ARHGAP6: variants seen among roughly 807,000 people sequenced by gnomAD.
ARHGAP6 encodes the protein rho GTPase-activating protein 6.
A neutral mutation model predicts 55.7 loss-of-function variants in ARHGAP6; 16 were observed. That is an observed-to-expected ratio of 0.29 (90% CI 0.19 to 0.44). ARHGAP6 has a LOEUF of 0.44. ARHGAP6 is among the 20% of genes least tolerant of loss of function. The pLI, the probability that ARHGAP6 is intolerant of heterozygous loss-of-function variation, is 1.00. For missense variants in ARHGAP6, 698 were observed against 808.9 expected, an observed-to-expected ratio of 0.86 and a Z score of 1.66; for synonymous variants, 382 against 360.9, an observed-to-expected ratio of 1.06 and a Z score of -0.66.
At chrX:11,336,965 A>G (rs1306657306) in intron 1 of ARHGAP6, among the ~76,000 whole-genome samples, 1 of 111,067 alleles carries the variant, frequency 9.0e-6, no homozygotes, top group African/African-American at 3.3e-5. Flanking sequence ...ACACCGGGTC[A>G]GTTTACTTCA....
At chrX:11,174,655 CTTTCT>C (rs759323559) in intron 8 of ARHGAP6, among the ~76,000 whole-genome samples, 19 of 73,849 alleles carry the variant, frequency 2.6e-4, no homozygotes, top group African/African-American at 1.0e-3. Flanking sequence ...TTCTTTCTTT[CTTTCT>C]TTCTTTCTTT....
At chrX:11,569,791 C>T (rs1054918524) in intron 1 of ARHGAP6, among the ~76,000 whole-genome samples, 1 of 111,925 alleles carries the variant, frequency 8.9e-6, no homozygotes, top group Admixed American at 9.5e-5. Context: ...TCTGCTTAAA[C>T]CACCCAAGGG....
At chrX:11,284,891 A>T (rs1368420420) in intron 1 of ARHGAP6, among the ~76,000 whole-genome samples, 1 of 111,615 alleles carries the variant, frequency 9.0e-6, no homozygotes, top group Non-Finnish European at 1.9e-5. Flanking sequence ...GACAACCAAA[A>T]ATGCTTCCAA....
intron 1 of ARHGAP6, among the ~76,000 whole-genome samples, chrX:11,489,273 G>T (rs1986472643): frequency 8.9e-6 from 1 of 111,932 alleles, no homozygotes; most frequent in Non-Finnish European, 1.9e-5. Flanking sequence ...AGCTGCTGAG[G>T]CCCAATTAGG....
intron 1 of ARHGAP6, among the ~76,000 whole-genome samples, chrX:11,644,753 T>C (rs759169558): frequency 9.0e-6 from 1 of 111,495 alleles, no homozygotes; most frequent in African/African-American, 3.2e-5. Context: ...GGAATGAAAA[T>C]GGTACAACCA....
At chrX:11,493,835 CTT>C (rs35315280) in intron 1 of ARHGAP6, among the ~76,000 whole-genome samples, 8 of 88,368 alleles carry the variant, frequency 9.1e-5, no homozygotes, top group Non-Finnish European at 8.7e-5. Flanking sequence ...AACAGAATGC[CTT>C]TTTTTTTTTT....
intron 1 of ARHGAP6, among the ~76,000 whole-genome samples, chrX:11,568,524 C>G (rs761469620): frequency 9.0e-6 from 1 of 111,602 alleles, no homozygotes; most frequent in Admixed American, 9.5e-5. Context: ...ATAATCCCAG[C>G]GGTGGGCAGA....
At chrX:11,287,837 TCTACATTTAATTG>T (rs752424238) in intron 1 of ARHGAP6, among the ~76,000 whole-genome samples, 7 of 112,227 alleles carry the variant, frequency 6.2e-5, no homozygotes, top group Non-Finnish European at 9.4e-5. Flanking sequence ...GGCAAGGAAT[TCTACATTTAATTG>T]CTAAGATCAT....
intron 2 of ARHGAP6, among the ~76,000 whole-genome samples, chrX:11,221,057 G>A (rs1323053515): frequency 8.9e-6 from 1 of 112,181 alleles, no homozygotes; most frequent in East Asian, 2.8e-4. Flanking sequence ...TAATGGTAAA[G>A]GGATCAATTC....
intron 9 of ARHGAP6, among the ~76,000 whole-genome samples, chrX:11,164,850 A>C (rs2045996797): frequency 8.9e-6 from 1 of 112,764 alleles, no homozygotes; most frequent in Non-Finnish European, 1.9e-5. Flanking sequence ...AGTTCTTACT[A>C]ATCCCAAGAG....
chrX:11,193,700 T>C (rs1000177252), intron 3 of ARHGAP6, among the ~76,000 whole-genome samples: 3 of 112,699 alleles, frequency 2.7e-5, no homozygotes, highest in Non-Finnish European at 5.6e-5. Context: ...CGAGGCACTA[T>C]AGAACATTTC....
At chrX:11,572,981 T>C (rs1490499331) in intron 1 of ARHGAP6, among the ~76,000 whole-genome samples, 1 of 112,360 alleles carries the variant, frequency 8.9e-6, no homozygotes, top group Non-Finnish European at 1.9e-5. Context: ...GCTGCATAAA[T>C]GTCTTCTTTT....
chrX:11,512,389 T>A (rs1015569103), intron 1 of ARHGAP6, among the ~76,000 whole-genome samples: 1 of 111,554 alleles, frequency 9.0e-6, no homozygotes, highest in African/African-American at 3.3e-5. Context: ...CTTTCCACAC[T>A]ATGTAGCAAC....
At chrX:11,654,260 G>C (rs1260067933) in intron 1 of ARHGAP6, among the ~76,000 whole-genome samples, 1 of 111,724 alleles carries the variant, frequency 9.0e-6, no homozygotes, top group Admixed American at 9.5e-5. Context: ...ATGAAGTTAT[G>C]AGCAATACAA....
At chrX:11,649,199 G>A (rs992077651) in intron 1 of ARHGAP6, among the ~76,000 whole-genome samples, 1 of 111,777 alleles carries the variant, frequency 8.9e-6, no homozygotes, top group African/African-American at 3.3e-5. Context: ...GTTGGAGAGA[G>A]AAGGGCCACA....
intron 1 of ARHGAP6, among the ~76,000 whole-genome samples, chrX:11,510,644 G>C (rs1216595830): frequency 9.0e-6 from 1 of 111,294 alleles, no homozygotes; most frequent in Non-Finnish European, 1.9e-5. Context: ...AAAAGCCCAA[G>C]CTTGCATTGT....
intron 2 of ARHGAP6, among the ~76,000 whole-genome samples, chrX:11,232,358 C>A (rs1349668405): frequency 9.0e-6 from 1 of 111,646 alleles, no homozygotes; most frequent in African/African-American, 3.3e-5. Context: ...TGGTGGCTTA[C>A]ACCTGTAATC....
chrX:11,496,646 T>C (rs1035994268), intron 1 of ARHGAP6, among the ~76,000 whole-genome samples: 6 of 112,235 alleles, frequency 5.3e-5, no homozygotes, highest in Non-Finnish European at 1.1e-4. Context: ...TTTTCTACAT[T>C]TGTGTTATTG....
intron 2 of ARHGAP6, among the ~76,000 whole-genome samples, chrX:11,204,864 T>C (rs2046681751): frequency 8.9e-6 from 1 of 112,171 alleles, no homozygotes; most frequent in Non-Finnish European, 1.9e-5. Context: ...TCCATCTCCA[T>C]GGACACTGCT....
Sources: gnomAD v4.1 joint callset for allele counts (sites outside exome capture counted in the v4.1 genomes callset) on GRCh38, gnomAD v4.1.1 for gene constraint, MANE v1.5 for transcripts, NCBI Gene and HGNC (gene_info 2026-07-23, HGNC 2026-07-21) for gene names.